CERS6: variants seen among roughly 807,000 people sequenced by gnomAD.
CERS6 encodes ceramide synthase 6.
CERS6 carries 26 observed loss-of-function variants against 56.8 expected under a neutral mutation model. The ratio of observed to expected loss-of-function variants is 0.46; its 90% CI spans 0.34 to 0.63. CERS6 has a LOEUF of 0.63. Ranked by LOEUF, CERS6 falls within the 30% of genes least tolerant of loss-of-function variation. The pLI is 0.01. For missense variants in CERS6, 415 were observed against 467.5 expected, an observed-to-expected ratio of 0.89 and a Z score of 1.04; for synonymous variants, 164 against 173.3, an observed-to-expected ratio of 0.95 and a Z score of 0.42.
chr2:168,541,493 A>G (rs1403588891), intron 1 of CERS6, among the ~76,000 whole-genome samples: 1 of 148,562 alleles, frequency 6.7e-6, no homozygotes, highest in African/African-American at 2.5e-5. Context: ...TTTTTTTTTC[A>G]GATTGCATGG....
chr2:168,478,497 C>T (rs1188959692), intron 1 of CERS6, among the ~76,000 whole-genome samples: 2 of 152,204 alleles, frequency 1.3e-5, no homozygotes, highest in Non-Finnish European at 2.9e-5. Flanking sequence ...TTCTGGCATT[C>T]TCTAGTCTAA....
Position 168,747,987 on chromosome 2 carries a change from T to G in CERS6, c.846-17605T>G, listed in dbSNP as rs919074001. On this transcript the variant is annotated intron_variant, in intron 8 of 9. Transcript: ENST00000305747. ...AATATGGGAGAACATTTTGTTCATG[T>G]TTTCATAAGCCAGTTGTATTTCTTC... is the stretch of plus-strand genomic sequence containing the variant. Among the ~76,000 whole-genome samples the G allele has an allele frequency of 5.3e-5, 8 of 152,372 alleles. No homozygotes were observed. The South Asian group carries it at 1.7e-3, about 32-fold the overall frequency.
At chr2:168,638,207 A>G (rs1684905771) in intron 4 of CERS6, among the ~76,000 whole-genome samples, 1 of 152,188 alleles carries the variant, frequency 6.6e-6, no homozygotes. Flanking sequence ...ATCAGAAATC[A>G]TCTCCTAATT....
intron 3 of CERS6, among the ~76,000 whole-genome samples, chr2:168,586,893 A>G (rs1362157687): frequency 6.6e-6 from 1 of 152,206 alleles, no homozygotes; most frequent in South Asian, 2.1e-4. Flanking sequence ...TATTGAGGTC[A>G]GGCATGGTGG....
chr2:168,485,004 A>G (rs1694250139), intron 1 of CERS6, among the ~76,000 whole-genome samples: 1 of 152,222 alleles, frequency 6.6e-6, no homozygotes, highest in Non-Finnish European at 1.5e-5. Flanking sequence ...GGCATAGAAA[A>G]TGTAGGCAGG....
chr2:168,681,150 A>G (rs1333463879), intron 4 of CERS6, among the ~76,000 whole-genome samples: 2 of 152,222 alleles, frequency 1.3e-5, no homozygotes, highest in Non-Finnish European at 2.9e-5. Context: ...GATAAGTAGT[A>G]AGGAAGGGAC....
At chr2:168,611,916 A>T (rs935815458) in intron 3 of CERS6, among the ~76,000 whole-genome samples, 2 of 152,116 alleles carry the variant, frequency 1.3e-5, no homozygotes, top group African/African-American at 4.8e-5. Flanking sequence ...CTAATAGGAG[A>T]TGTCTGTCCT....
chr2:168,553,855 G>T (rs543944562), intron 2 of CERS6, among the ~76,000 whole-genome samples: 1 of 152,278 alleles, frequency 6.6e-6, no homozygotes, highest in East Asian at 1.9e-4. Flanking sequence ...CTGAGTAGAA[G>T]GGGAAGAAGG....
chr2:168,692,535 AT>A (rs1686531979), intron 5 of CERS6, among the ~76,000 whole-genome samples: 1 of 152,166 alleles, frequency 6.6e-6, no homozygotes, highest in Non-Finnish European at 1.5e-5. Flanking sequence ...TAGATTCAAC[AT>A]GAAAGTTTGA....
At chr2:168,628,212 T>C (rs1684634227) in intron 3 of CERS6, among the ~76,000 whole-genome samples, 1 of 152,184 alleles carries the variant, frequency 6.6e-6, no homozygotes, top group Admixed American at 6.6e-5. Context: ...TACTACTTAG[T>C]AGACCCATGC....
chr2:168,626,285 C>T (rs1684589088), intron 3 of CERS6, among the ~76,000 whole-genome samples: 1 of 152,140 alleles, frequency 6.6e-6, no homozygotes. Context: ...TCAAACGGCC[C>T]TCGTATGCCT....
intron 4 of CERS6, among the ~76,000 whole-genome samples, chr2:168,634,303 A>C (rs1227119712): frequency 6.6e-6 from 1 of 152,206 alleles, no homozygotes; most frequent in Non-Finnish European, 1.5e-5. Flanking sequence ...AGAAATACTT[A>C]AGGTGCTCTG....
rs532917284 is a variant in CERS6 at position 168,761,049 on chromosome 2, G to A, written c.846-4543G>A. The stretch of plus-strand genomic sequence containing the variant: ...TGGGATTATAGGCGTGAGCCACCGC[G>A]CCCGGCCGGGTTTACTGTTTATTAG... On this transcript the variant is annotated intron_variant, in intron 8 of 9. Transcript: ENST00000305747. Among the ~76,000 whole-genome samples the A allele has an allele frequency of 7.8e-4, 119 of 152,250 alleles. 1 individual carries two copies. The highest frequency in any genetic ancestry group is 6.8e-3 in the Middle Eastern group (2 of 294).
At chr2:168,645,820 T>C (rs1312685233) in intron 4 of CERS6, among the ~76,000 whole-genome samples, 2 of 152,218 alleles carry the variant, frequency 1.3e-5, no homozygotes, top group African/African-American at 4.8e-5. Context: ...GTTAGTTTGC[T>C]AAAGATAATG....
intron 8 of CERS6, among the ~76,000 whole-genome samples, chr2:168,722,578 G>A (rs962701891): frequency 3.3e-5 from 5 of 152,116 alleles, no homozygotes; most frequent in Admixed American, 6.5e-5. Context: ...TAACTCTAAC[G>A]AAGCAAACTT....
At chr2:168,568,192 T>G (rs567724805) in intron 3 of CERS6, among the ~76,000 whole-genome samples, 2 of 152,346 alleles carry the variant, frequency 1.3e-5, no homozygotes, top group African/African-American at 4.8e-5. Flanking sequence ...CTGCCTACAT[T>G]TGAGTTGTCA....
At chr2:168,533,967 G>A (rs192511854) in intron 1 of CERS6, among the ~76,000 whole-genome samples, 11 of 151,888 alleles carry the variant, frequency 7.2e-5, no homozygotes, top group African/African-American at 2.2e-4. Flanking sequence ...TCAGTAGGGC[G>A]GTCTTCAAAC....
At chr2:168,481,224 G>T (rs1475732631) in intron 1 of CERS6, among the ~76,000 whole-genome samples, 2 of 152,160 alleles carry the variant, frequency 1.3e-5, no homozygotes, top group Non-Finnish European at 2.9e-5. Context: ...GACCATCCTG[G>T]CTAACATGGT....
intron 1 of CERS6, among the ~76,000 whole-genome samples, chr2:168,530,246 G>C (rs1449536371): frequency 6.6e-6 from 1 of 152,206 alleles, no homozygotes; most frequent in Non-Finnish European, 1.5e-5. Flanking sequence ...AGGTACAGTG[G>C]CATGGCTGAC....
Sources: allele counts gnomAD v4.1 joint callset (sites outside exome capture counted in the v4.1 genomes callset), GRCh38; gene constraint gnomAD v4.1.1; transcripts MANE v1.5; gene names NCBI Gene and HGNC (gene_info 2026-07-23, HGNC 2026-07-21).